WNT9A: variants seen among roughly 807,000 people sequenced by gnomAD.
The protein encoded by WNT9A is protein Wnt-9a.
A neutral mutation model predicts 31.4 loss-of-function variants in WNT9A; 8 were observed. The observed-to-expected ratio is 0.26, with a 90% CI of 0.15 to 0.46. WNT9A has a LOEUF of 0.46. WNT9A is among the 20% of genes least tolerant of loss of function. The pLI, the probability that WNT9A is intolerant of heterozygous loss-of-function variation, is 0.99. For missense variants in WNT9A, 457 were observed against 522.9 expected (o/e 0.87, Z 1.23); for synonymous variants, 236 against 220.1 (o/e 1.07, Z -0.64).
In WNT9A at chr1:227,919,580, G is replaced by A. The variant is rs3820622; in HGVS notation, c.*1938C>T. 92,513 of 151,424 alleles carry A rather than the reference G, an allele frequency of 0.61. 28,422 individuals carry two copies. Among genetic ancestry groups the A allele is most frequent in the East Asian group, 0.71 (3,639 of 5,132 alleles). The allele number at this position is 151,424 out of a possible 1,614,324, so 9.4% of individuals were successfully genotyped here. On this transcript the variant is annotated 3_prime_UTR_variant, in exon 4 of 4. Transcript: ENST00000272164. ...CAACCCGCCCAGAACCCAGCCCACA[G>A]CCATCAGGACACCCACAAGACGGAG...
chr1:227,943,151 G>A (rs543024351), intron 1 of WNT9A, among the ~76,000 whole-genome samples: 2 of 152,272 alleles, frequency 1.3e-5, no homozygotes, highest in African/African-American at 2.4e-5. Context: ...CCCTCCCCAC[G>A]CCCATGACAG....
chr1:227,946,174 T>TA (rs1666789941), intron 1 of WNT9A, among the ~76,000 whole-genome samples: 1 of 152,208 alleles, frequency 6.6e-6, no homozygotes, highest in Non-Finnish European at 1.5e-5. Context: ...AGCCTGGACT[T>TA]ACTGTCTGCA....
rs376417284 is a variant in WNT9A at position 227,921,915 on chromosome 1, G to A, written c.701C>T (p.Ala234Val). Residue 234 changes from alanine to valine, a missense_variant, in exon 4 of 4, where the codon GCG (alanine) becomes GTG (valine). Coordinates refer to ENST00000272164, the MANE Select transcript of WNT9A (RefSeq NM_003395.4). ...ATGCTTGCCCACCTCATGGAAAGGC[G>A]CCAACTGCCGCCAGCAGGTCCGCAC... The part of the protein sequence containing the change: ...CTVRTCWRQL[A>V]PFHEVGKHLK... 2.1e-5 allele frequency: 34 copies of A among 1,612,982 alleles called. No individual in the cohort carries two copies. The highest frequency in any genetic ancestry group is 4.0e-5 in the African/African-American group (3 of 74,928).
chr1:227,928,830 A>T lies in WNT9A; in HGVS notation c.96-3311T>A, dbSNP rs1458013841. Among the ~76,000 whole-genome samples, 9 of 152,180 alleles carry T rather than the reference A, an allele frequency of 5.9e-5. No individual in the cohort carries two copies. In the South Asian group the frequency reaches 1.9e-3, roughly 32 times the overall value. On this transcript the variant is annotated intron_variant, in intron 1 of 3. Transcript: ENST00000272164. The surrounding 1 kb of genome is among the most constrained non-coding windows in gnomAD (Gnocchi z 4.5). ...GAACAGAGAAGCTTTCTTCCGTGAG[A>T]CTCAGAACTCAGAAGTCACTGAAAA...
intron 1 of WNT9A, among the ~76,000 whole-genome samples, chr1:227,937,900 G>A (rs908076432): frequency 2.0e-5 from 3 of 152,182 alleles, no homozygotes; most frequent in Admixed American, 1.3e-4. Flanking sequence ...GGCCACCTGC[G>A]GTCCCAGAGC....
intron 1 of WNT9A, among the ~76,000 whole-genome samples, chr1:227,944,787 C>G (rs1404030040): frequency 6.6e-6 from 1 of 152,206 alleles, no homozygotes; most frequent in Non-Finnish European, 1.5e-5. Context: ...ATCGTGCCCC[C>G]GCAAAGTAAC....
Position 227,921,762 on chromosome 1 carries a change from C to G in WNT9A, c.854G>C (p.Arg285Pro). The G allele has an allele frequency of 6.2e-7, 1 of 1,612,256 alleles. No individual in the cohort carries two copies. Among genetic ancestry groups the G allele is most frequent in the Non-Finnish European group, 8.5e-7 (1 of 1,179,666 alleles). The change falls in exon 4 of 4, where the codon CGC becomes CCC. Residue 285 changes from arginine to proline, a missense_variant. Coordinates refer to ENST00000272164, the MANE Select transcript of WNT9A (RefSeq NM_003395.4). ...SGAGGSDPLP[R>P]TPELVHLDDS... ...ATCCAGGTGCACCAGCTCTGGAGTG[C>G]GGGGCAGCGGGTCGCTGCCACCTGC...
rs1666722026 is a variant in WNT9A at position 227,942,363 on chromosome 1, G to A, written c.95+5430C>T. ...CCCCTGGGTGCAGAGCAGGAAGGAG[G>A]AAGGCCACCAGCGCCTGCAGGGGCC... On this transcript the variant is annotated intron_variant, in intron 1 of 3. Coordinates refer to ENST00000272164, the MANE Select transcript of WNT9A (RefSeq NM_003395.4). The surrounding 1 kb of genome is among the most constrained non-coding windows in gnomAD (Gnocchi z 5.7). Among the ~76,000 whole-genome samples the A allele has an allele frequency of 6.6e-6, 1 of 152,138 alleles. No homozygotes were observed.
At chr1:227,927,715 A>G (rs1451136629) in intron 1 of WNT9A, among the ~76,000 whole-genome samples, 1 of 152,056 alleles carries the variant, frequency 6.6e-6, no homozygotes, top group East Asian at 1.9e-4. Flanking sequence ...TGTGACCAGA[A>G]CAGCCCTCAG....
chr1:227,939,047 C>A (rs1384686707), intron 1 of WNT9A, among the ~76,000 whole-genome samples: 1 of 152,232 alleles, frequency 6.6e-6, no homozygotes, highest in African/African-American at 2.4e-5. Flanking sequence ...ACCTCTCAAG[C>A]CCCAGCCACT....
intron 1 of WNT9A, among the ~76,000 whole-genome samples, chr1:227,927,601 C>A (rs1666440453): frequency 6.6e-6 from 1 of 152,164 alleles, no homozygotes; most frequent in African/African-American, 2.4e-5. Flanking sequence ...CAGAGCACGG[C>A]TAGGGCGGGA....
At position 227,942,088 on chromosome 1, in the gene WNT9A, C is replaced by T. The variant is rs1047822447; in HGVS notation, c.95+5705G>A. 6.6e-6 allele frequency among the ~76,000 whole-genome samples: 1 copy of T among 152,156 alleles called. No individual in the cohort carries two copies. The highest frequency in any genetic ancestry group is 1.5e-5 in the Non-Finnish European group (1 of 68,016). ...GCAGGGCACCCCCAGCCCGGGCCAC[C>T]CCAGCAGCCGGCGGAAGGTCCCAGG... On this transcript the variant is annotated intron_variant, in intron 1 of 3. Coordinates refer to ENST00000272164, the MANE Select transcript of WNT9A (RefSeq NM_003395.4). The surrounding 1 kb of genome is among the most constrained non-coding windows in gnomAD (Gnocchi z 5.7).
Position 227,921,648 on chromosome 1 carries a change from C to G in WNT9A, c.968G>C (p.Cys323Ser), listed in dbSNP as rs1666316413. 6.2e-7 allele frequency: 1 copy of G among 1,613,242 alleles called. No homozygotes were observed. The highest frequency in any genetic ancestry group is 8.5e-7 in the Non-Finnish European group (1 of 1,180,002). ...CTGTGTGTTATGGCCGCGGCCACAG[C>G]AGATGCTCTCGCAGTTCTTCTCACG... is the stretch of plus-strand genomic sequence containing the variant. ...CHREKNCESI[C>S]CGRGHNTQSR... is the part of the protein sequence containing the mutation. The change falls in exon 4 of 4, where the codon TGC becomes TCC. Residue 323 changes from cysteine (C) to serine (S), a missense_variant. Physicochemically the swap from Cys to Ser is moderately radical, Grantham distance 112. Coordinates refer to ENST00000272164, the MANE Select transcript of WNT9A (RefSeq NM_003395.4).
chr1:227,924,753 T>G (rs536478202), intron 2 of WNT9A, among the ~76,000 whole-genome samples: 1 of 152,240 alleles, frequency 6.6e-6, no homozygotes, highest in South Asian at 2.1e-4. Context: ...TTAAACAAGC[T>G]CATGCAGTGC....
intron 1 of WNT9A, among the ~76,000 whole-genome samples, chr1:227,943,134 A>G (rs1361395972): frequency 2.6e-5 from 4 of 152,160 alleles, no homozygotes; most frequent in Non-Finnish European, 5.9e-5. Flanking sequence ...AATGTGAGAA[A>G]CACATCCCCT....
Position 227,925,341 on chromosome 1 carries a change from C to T in WNT9A, c.274G>A (p.Glu92Lys), listed in dbSNP as rs1322335112. 3.1e-6 allele frequency: 5 copies of T among 1,610,530 alleles called. No individual in the cohort carries two copies. Among genetic ancestry groups the T allele is most frequent in the South Asian group, 2.2e-5 (2 of 90,748 alleles). Reference protein sequence around the residue: ...LVEAVSMSALECQFQFRFERW... With the variant: ...LVEAVSMSALKCQFQFRFERW... The stretch of plus-strand genomic sequence containing the variant: ...TCAAAGCGGAACTGGAACTGGCACT[C>T]GAGCGCACTCATGCTCACGGCCTCC... Residue 92 changes from glutamate to lysine, a missense_variant, in exon 2 of 4, where the codon GAG (glutamate) becomes AAG (lysine). By Grantham distance (56) the Glu-to-Lys change is moderately conservative. Transcript: ENST00000272164. The surrounding 1 kb of genome is among the most constrained non-coding windows in gnomAD (Gnocchi z 6.0).
rs1572126470 is a variant in WNT9A at position 227,926,787 on chromosome 1, C to T, written c.96-1268G>A. On this transcript the variant is annotated intron_variant, in intron 1 of 3. Coordinates refer to ENST00000272164, the MANE Select transcript of WNT9A (RefSeq NM_003395.4). This position sits in a 1 kb window ranked among gnomAD's most constrained non-coding sequence, Gnocchi z 5.0. ...GGGTGCCAGCTTGGGAAGGCTCCCC[C>T]CACACCCTCACATGGCCCTGCTAGA... Among the ~76,000 whole-genome samples the T allele has an allele frequency of 6.6e-6, 1 of 152,042 alleles. No homozygotes were observed. Among genetic ancestry groups the T allele is most frequent in the African/African-American group, 2.4e-5 (1 of 41,420 alleles).
At chr1:227,922,487 T>C (rs547020858) in intron 3 of WNT9A, among the ~76,000 whole-genome samples, 1 of 152,336 alleles carries the variant, frequency 6.6e-6, no homozygotes, top group South Asian at 2.1e-4. Context: ...AACCAGGTGC[T>C]ACCGCACATG....
chr1:227,927,293 A>G (rs1666435026), intron 1 of WNT9A, among the ~76,000 whole-genome samples: 1 of 152,124 alleles, frequency 6.6e-6, no homozygotes, highest in Non-Finnish European at 1.5e-5. Flanking sequence ...TGGGTAGAGG[A>G]GGAGCCCAAG....
Sources: allele counts gnomAD v4.1 joint callset (sites outside exome capture counted in the v4.1 genomes callset), GRCh38; gene constraint gnomAD v4.1.1; non-coding constraint Gnocchi (gnomAD v3.1); transcripts MANE v1.5; gene names NCBI Gene and HGNC (gene_info 2026-07-23, HGNC 2026-07-21).